METAP1D: variants seen among roughly 807,000 people sequenced by gnomAD.
METAP1D encodes the protein methionyl aminopeptidase type 1D, mitochondrial, also known as methionine aminopeptidase 1D, mitochondrial.
A neutral mutation model predicts 40.5 loss-of-function variants in METAP1D; 31 were observed. The observed-to-expected ratio is 0.77, with a 90% CI of 0.58 to 1.03. METAP1D has a LOEUF of 1.03. METAP1D is among the 50% of genes least tolerant of loss of function. The pLI is 0.00. For missense variants in METAP1D, 411 were observed against 420.7 expected, an observed-to-expected ratio of 0.98 and a Z score of 0.20; for synonymous variants, 151 against 146.4, an observed-to-expected ratio of 1.03 and a Z score of -0.22.
chr2:172,005,542 A>C (rs1447241710), intron 1 of METAP1D, among the ~76,000 whole-genome samples: 18 of 114,826 alleles, frequency 1.6e-4, no homozygotes, highest in Admixed American at 3.6e-4. Flanking sequence ...ATATATATAT[A>C]TATCTTTTTT....
chr2:172,023,230 C>T (rs1689046606), intron 1 of METAP1D, among the ~76,000 whole-genome samples: 1 of 152,170 alleles, frequency 6.6e-6, no homozygotes, highest in Non-Finnish European at 1.5e-5. Context: ...TCTAAAGTCA[C>T]AAATTTGATT....
chr2:172,035,237 T>A (rs1006523561), intron 1 of METAP1D, among the ~76,000 whole-genome samples: 8 of 152,064 alleles, frequency 5.3e-5, no homozygotes, highest in Non-Finnish European at 7.4e-5. Context: ...CGATCTCAGC[T>A]CACTGCAAGC....
At chr2:172,061,193 C>G (rs1300476887) in intron 1 of METAP1D, among the ~76,000 whole-genome samples, 1 of 152,214 alleles carries the variant, frequency 6.6e-6, no homozygotes, top group Non-Finnish European at 1.5e-5. Flanking sequence ...TAAGGTATTA[C>G]AGCAGAAATT....
At chr2:172,041,214 A>C (rs1426834517) in intron 1 of METAP1D, among the ~76,000 whole-genome samples, 1 of 152,022 alleles carries the variant, frequency 6.6e-6, no homozygotes, top group Admixed American at 6.6e-5. Flanking sequence ...TAATCGCAGC[A>C]CTTGGGGAGG....
rs1553491402 is a variant in METAP1D, at chr2:172,024,764, G to GTGTA, written c.40+24758_40+24759insATGT. On this transcript the variant is annotated intron_variant, in intron 1 of 9. Coordinates refer to ENST00000315796, the MANE Select transcript of METAP1D (RefSeq NM_199227.3). ...ACATATAGATTGTGTGTGTGTGTGT[G>GTGTA]TGTGTGTGTGTGTGTGTGTGTGTGT... is the stretch of plus-strand genomic sequence containing the variant. Among the ~76,000 whole-genome samples, 499 of 150,974 alleles carry GTGTA rather than the reference G, an allele frequency of 3.3e-3. 4 individuals are homozygous for GTGTA. The highest frequency in any genetic ancestry group is 0.016 in the East Asian group (83 of 5,098).
At chr2:172,073,695 A>T (rs551637877) in intron 6 of METAP1D, among the ~76,000 whole-genome samples, 11 of 152,352 alleles carry the variant, frequency 7.2e-5, no homozygotes, top group African/African-American at 2.2e-4. Context: ...GACACCTATT[A>T]TCTTGCCTTT....
intron 1 of METAP1D, among the ~76,000 whole-genome samples, chr2:172,022,497 C>A (rs1297975241): frequency 1.3e-5 from 2 of 151,920 alleles, no homozygotes; most frequent in Non-Finnish European, 2.9e-5. Flanking sequence ...AGTTATTAAA[C>A]AAATAAGAAA....
chr2:172,022,754 G>A (rs1251772293), intron 1 of METAP1D, among the ~76,000 whole-genome samples: 2 of 152,096 alleles, frequency 1.3e-5, no homozygotes, highest in Admixed American at 1.3e-4. Context: ...GGTAAGGTGA[G>A]TATTAGCAGT....
intron 1 of METAP1D, among the ~76,000 whole-genome samples, chr2:172,057,788 C>T (rs1262637971): frequency 6.6e-6 from 1 of 152,150 alleles, no homozygotes; most frequent in Non-Finnish European, 1.5e-5. Flanking sequence ...GGAGTAATAA[C>T]AGTTCACAAT....
At chr2:172,018,403 CAT>C (rs1688930121) in intron 1 of METAP1D, among the ~76,000 whole-genome samples, 1 of 152,100 alleles carries the variant, frequency 6.6e-6, no homozygotes, top group South Asian at 2.1e-4. Flanking sequence ...ACCAAGAAAA[CAT>C]AATCCTGTTC....
intron 1 of METAP1D, among the ~76,000 whole-genome samples, chr2:172,050,743 T>G (rs1014982620): frequency 6.6e-6 from 1 of 152,176 alleles, no homozygotes; most frequent in African/African-American, 2.4e-5. Flanking sequence ...CATTTTAGTG[T>G]TGTGCTTCTA....
At chr2:172,059,821 C>T (rs988257087) in intron 1 of METAP1D, among the ~76,000 whole-genome samples, 1 of 152,060 alleles carries the variant, frequency 6.6e-6, no homozygotes, top group Non-Finnish European at 1.5e-5. Context: ...GAGACCAAGG[C>T]GGGCAGATTA....
chr2:172,005,976 T>TA lies in METAP1D; in HGVS notation c.40+5976dup, dbSNP rs552461799. ...TCAGTGATGAATGCTTTGCAGTCATTAAAAAAAAATATATTGACCTGCATT... is the reference window on the plus strand; with the variant it reads ...TCAGTGATGAATGCTTTGCAGTCATTAAAAAAAAAATATATTGACCTGCATT... On this transcript the variant is annotated intron_variant, in intron 1 of 9. Coordinates refer to ENST00000315796, the MANE Select transcript of METAP1D (RefSeq NM_199227.3). 5.8e-3 allele frequency among the ~76,000 whole-genome samples: 872 copies of TA among 150,302 alleles called. 13 individuals are homozygous for TA. Among genetic ancestry groups the TA allele is most frequent in the African/African-American group, 0.02 (807 of 41,204 alleles).
intron 1 of METAP1D, among the ~76,000 whole-genome samples, chr2:172,040,020 T>C (rs1349399387): frequency 6.6e-6 from 1 of 150,696 alleles, no homozygotes; most frequent in Admixed American, 6.6e-5. Flanking sequence ...AGTCTCGCCC[T>C]GTCGCCCAGG....
In METAP1D at chr2:172,080,630, G is replaced by A. The variant is rs1286623971; in HGVS notation, c.*224G>A. On this transcript the variant is annotated 3_prime_UTR_variant, in exon 10 of 10. Coordinates refer to ENST00000315796, the MANE Select transcript of METAP1D (RefSeq NM_199227.3). ...CTTTGGAAAAACAAATCCTGGCCCTGGACTCGGTTTCCCAGCGCGGTCAAC... is the reference window on the plus strand; with the variant it reads ...CTTTGGAAAAACAAATCCTGGCCCTAGACTCGGTTTCCCAGCGCGGTCAAC... 1.7e-6 allele frequency: 1 copy of A among 604,716 alleles called. No homozygotes were observed. Among genetic ancestry groups the A allele is most frequent in the African/African-American group, 1.9e-5 (1 of 53,848 alleles). The allele number at this position is 604,716 out of a possible 1,614,324, so 37.5% of individuals were successfully genotyped here. A position where few individuals can be genotyped will look rare whatever the true frequency, so the allele number is the denominator to read the frequency against.
chr2:172,033,570 G>T (rs982090035), intron 1 of METAP1D, among the ~76,000 whole-genome samples: 3 of 151,856 alleles, frequency 2.0e-5, no homozygotes, highest in Non-Finnish European at 4.4e-5. Flanking sequence ...TGGCCAGGCT[G>T]GTTTCGAATT....
intron 5 of METAP1D, among the ~76,000 whole-genome samples, chr2:172,067,498 G>C (rs79885512): frequency 4.2e-4 from 64 of 152,234 alleles, no homozygotes; most frequent in African/African-American, 1.5e-3. Context: ...CATCCTGTTG[G>C]TATCTTTCCA....
At chr2:172,016,218 G>C (rs779685159) in intron 1 of METAP1D, among the ~76,000 whole-genome samples, 85 of 132,118 alleles carry the variant, frequency 6.4e-4, no homozygotes, top group Non-Finnish European at 1.0e-3. Context: ...CAAGGTTGCA[G>C]TGAGCTGAGA....
intron 1 of METAP1D, among the ~76,000 whole-genome samples, chr2:172,045,825 A>G (rs1197913644): frequency 5.3e-4 from 30 of 56,190 alleles, no homozygotes; most frequent in African/African-American, 1.9e-3. Context: ...GTGTGTATAT[A>G]TATATATATA....
Sources: gnomAD v4.1 joint callset for allele counts (sites outside exome capture counted in the v4.1 genomes callset) on GRCh38, gnomAD v4.1.1 for gene constraint, MANE v1.5 for transcripts, NCBI Gene and HGNC (gene_info 2026-07-23, HGNC 2026-07-21) for gene names.